The following SIRT4 variants were observed in gnomAD, a reference collection of about 807,000 sequenced individuals.
The protein encoded by SIRT4 is NAD-dependent protein lipoamidase sirtuin-4, mitochondrial.
A neutral mutation model predicts 26.1 loss-of-function variants in SIRT4; 23 were observed. The observed-to-expected ratio is 0.88, with a 90% CI of 0.63 to 1.25. The LOEUF (loss-of-function observed/expected upper bound fraction) is 1.25, where lower values mean the gene tolerates loss of function less well. Ranked by LOEUF, SIRT4 falls within the 50% of genes most tolerant of loss-of-function variation. The pLI, the probability that SIRT4 is intolerant of heterozygous loss-of-function variation, is 0.00. For missense variants in SIRT4, 361 were observed against 405.4 expected (o/e 0.89, Z 0.94); for synonymous variants, 155 against 158.4 (o/e 0.98, Z 0.16).
chr12:120,312,841 T>C, intron 3 of SIRT4, 43 bp from the exon 4 acceptor site: 1 of 1,611,108 alleles, frequency 6.2e-7, no homozygotes, highest in Non-Finnish European at 8.5e-7. Flanking sequence ...TTTCTAGATC[T>C]AGAGAACCTA....
the SIRT4 span, among the ~76,000 whole-genome samples, chr12:120,295,419 ATTTTT>A: frequency 1.2e-5 from 1 of 81,348 alleles, no homozygotes; most frequent in African/African-American, 4.2e-5. Context: ...TATATAGATA[ATTTTT>A]TTTTTTTTTT....
the SIRT4 span, among the ~76,000 whole-genome samples, chr12:120,292,251 A>C: frequency 6.6e-6 from 1 of 152,176 alleles, no homozygotes; most frequent in South Asian, 2.1e-4. Flanking sequence ...GAGGGTGCGG[A>C]AACAGCAGGG....
intron 2 of SIRT4, among the ~76,000 whole-genome samples, chr12:120,310,565 C>G (rs925799802): frequency 6.6e-6 from 1 of 151,802 alleles, no homozygotes; most frequent in African/African-American, 2.4e-5. Context: ...TGATGGCTGA[C>G]TAGAACTAAA....
the SIRT4 span, among the ~76,000 whole-genome samples, chr12:120,294,885 A>G: frequency 6.7e-6 from 1 of 148,190 alleles, no homozygotes; most frequent in African/African-American, 2.5e-5. Flanking sequence ...TGGAGTACAT[A>G]GACTCAATCT....
In SIRT4 at chr12:120,312,686, T is replaced by C. The variant is rs781600639; in HGVS notation, c.728T>C (p.Val243Ala). Residue 243 changes from valine to alanine, a missense_variant, in exon 3 of 4, where the codon GTT (valine) becomes GCT (alanine). By Grantham distance (64) the Val-to-Ala change is moderately conservative (BLOSUM62 0). Transcript: ENST00000202967. ...FFGDTVNPDK[V>A]DFVHKRVKEA... ...GGGGACACAGTGAACCCTGACAAGGTTGATTTTGTGCACAAGCGTGTAAAA... is the reference window on the plus strand; with the variant it reads ...GGGGACACAGTGAACCCTGACAAGGCTGATTTTGTGCACAAGCGTGTAAAA... 50 of 1,613,914 alleles carry C rather than the reference T, an allele frequency of 3.1e-5. No homozygotes were observed. Among genetic ancestry groups the C allele is most frequent in the Non-Finnish European group, 4.0e-5 (47 of 1,180,008 alleles).
upstream of SIRT4, among the ~76,000 whole-genome samples, chr12:120,301,480 G>A (rs1030366607): frequency 9.2e-5 from 14 of 152,298 alleles, no homozygotes; most frequent in African/African-American, 2.2e-4. Context: ...TGAATGAAAA[G>A]GATCACAAAC....
upstream of SIRT4, among the ~76,000 whole-genome samples, chr12:120,298,585 A>G (rs990180279): frequency 5.3e-5 from 8 of 151,852 alleles, no homozygotes; most frequent in Non-Finnish European, 8.8e-5. Context: ...GAGTGAGACC[A>G]TGTCCCCAAA....
the SIRT4 span, chr12:120,291,928 T>TC: frequency 2.6e-5 from 4 of 151,994 alleles, no homozygotes; most frequent in African/African-American, 4.8e-5. Context: ...CGCGCCCCGC[T>TC]CCCCCACGGA....
intron 2 of SIRT4, among the ~76,000 whole-genome samples, chr12:120,309,413 CTTT>C (rs1217829590): frequency 1.5e-5 from 2 of 135,618 alleles, no homozygotes; most frequent in Non-Finnish European, 1.6e-5. Context: ...TTTTTCTTTT[CTTT>C]TTTTTTTTTT....
rs1268678223 is a variant in SIRT4 at position 120,312,651 on chromosome 12, C to T, written c.693C>T (p.Val231=). The T allele has an allele frequency of 5.0e-6, 8 of 1,613,914 alleles. No individual in the cohort carries two copies. The highest frequency in any genetic ancestry group is 1.6e-4 in the Middle Eastern group (1 of 6,084). Residue 231 remains valine (V), a synonymous_variant, in exon 3 of 4, where the codon GTC becomes GTT. Transcript: ENST00000202967. ...GTGGAGGCCATCTGAAACCAGATGT[C>T]GTTTTCTTCGGGGACACAGTGAACC... The part of the protein sequence containing the change: ...VQCGGHLKPD[V]VFFGDTVNPD...
chr12:120,304,723 G>T (rs1032800241), intron 2 of SIRT4, among the ~76,000 whole-genome samples: 1 of 150,494 alleles, frequency 6.6e-6, no homozygotes, highest in Non-Finnish European at 1.5e-5. Flanking sequence ...GCTGAGGCAG[G>T]AAGATTGCTT....
At chr12:120,292,985 T>TC in the SIRT4 span, 1 of 152,024 alleles carries the variant, frequency 6.6e-6, no homozygotes, top group Non-Finnish European at 1.5e-5. Flanking sequence ...GTAAGACACT[T>TC]CCCCATCTCT....
chr12:120,305,033 A>G (rs1872699649), intron 2 of SIRT4, among the ~76,000 whole-genome samples: 1 of 151,494 alleles, frequency 6.6e-6, no homozygotes, highest in Non-Finnish European at 1.5e-5. Flanking sequence ...ACGCACCTGT[A>G]ATTCCAGCTA....
chr12:120,292,938 A>T, the SIRT4 span, among the ~76,000 whole-genome samples: 1 of 152,216 alleles, frequency 6.6e-6, no homozygotes, highest in Non-Finnish European at 1.5e-5. Context: ...AAATCACTAA[A>T]ACAGGTAAAC....
Position 120,313,160 on chromosome 12 carries a change from G to A in SIRT4, c.*124G>A. 9.5e-7 allele frequency: 1 copy of A among 1,048,544 alleles called. No individual in the cohort carries two copies. Among genetic ancestry groups the A allele is most frequent in the Non-Finnish European group, 1.4e-6 (1 of 707,072 alleles). The allele number at this position is 1,048,544 out of a possible 1,614,324, so 65.0% of individuals were successfully genotyped here. A position where few individuals can be genotyped will look rare whatever the true frequency, so the allele number is the denominator to read the frequency against. ...CAACAGAGTAGGGTGCACTGACAAAGTATAGAAGGTTCTAGGTATCTTAAT... is the reference window on the plus strand; with the variant it reads ...CAACAGAGTAGGGTGCACTGACAAAATATAGAAGGTTCTAGGTATCTTAAT... On this transcript the variant is annotated 3_prime_UTR_variant, in exon 4 of 4. Coordinates refer to ENST00000202967, the MANE Select transcript of SIRT4 (RefSeq NM_012240.3).
Position 120,311,790 on chromosome 12 carries a change from C to G in SIRT4, c.498-666C>G, listed in dbSNP as rs552950757. Among the ~76,000 whole-genome samples the G allele has an allele frequency of 2.8e-5, 4 of 143,218 alleles. No homozygotes were observed. In the South Asian group the frequency reaches 6.8e-4, roughly 24 times the overall value. 94.0% of individuals were successfully genotyped at this position (143,218 alleles called of 152,430 possible). A position where few individuals can be genotyped will look rare whatever the true frequency, so the allele number is the denominator to read the frequency against. On this transcript the variant is annotated intron_variant, in intron 2 of 3. Transcript: ENST00000202967. ...GAGGTGAGAAGAGAACCAGGAGACA[C>G]TGTGTCCTGGAAACCAAGAAGGAGA...
chr12:120,307,577 T>C (rs181447966), intron 2 of SIRT4, among the ~76,000 whole-genome samples: 1 of 152,068 alleles, frequency 6.6e-6, no homozygotes. Context: ...ATAACATAAT[T>C]GGCCGGGCAC....
intron 2 of SIRT4, among the ~76,000 whole-genome samples, chr12:120,305,839 C>T (rs548594732): frequency 8.7e-4 from 132 of 151,888 alleles, no homozygotes; most frequent in African/African-American, 2.9e-3. Flanking sequence ...GGTGAAACCC[C>T]GTCTCTACTA....
At chr12:120,308,896 G>A (rs1465693010) in intron 2 of SIRT4, among the ~76,000 whole-genome samples, 1 of 151,960 alleles carries the variant, frequency 6.6e-6, no homozygotes, top group Admixed American at 6.6e-5. Context: ...TCCGCCGGGC[G>A]TGGTGGCTCA....
Sources: gnomAD v4.1 joint callset for allele counts (sites outside exome capture counted in the v4.1 genomes callset) on GRCh38, gnomAD v4.1.1 for gene constraint, MANE v1.5 for transcripts, NCBI Gene and HGNC (gene_info 2026-07-23, HGNC 2026-07-21) for gene names.